The following MDN1 variants were observed in gnomAD, a reference collection of about 807,000 sequenced individuals.
MDN1 encodes the protein midasin AAA ATPase 1.
Under a neutral mutation model 669.2 loss-of-function variants are expected in MDN1, and 266 were observed. The observed-to-expected ratio is 0.40, with a 90% CI of 0.36 to 0.44. MDN1 has a LOEUF of 0.44. Among genes scored for constraint, MDN1 ranks in the 20% least tolerant of loss-of-function variants. The pLI is 1.00. For missense variants in MDN1, 5,940 were observed against 6,754.0 expected (o/e 0.88, Z 4.22); for synonymous variants, 2,385 against 2,457.1 (o/e 0.97, Z 0.87).
rs757430206 is a variant in MDN1, at chr6:89,719,240, T to C, written c.5968-15A>G. 15 of 1,603,316 alleles carry C rather than the reference T, an allele frequency of 9.4e-6. No individual in the cohort carries two copies. In the Middle Eastern group the frequency reaches 9.9e-4, roughly 106 times the overall value. On this transcript the variant is annotated splice_polypyrimidine_tract_variant and intron_variant, in intron 40 of 101. Transcript: ENST00000369393. Reference sequence around the variant, plus strand: ...ACAGCAATGACCTAAAGGAAGAAGATAATGCAATGAAAACACAAATCACTC... The same window carrying C: ...ACAGCAATGACCTAAAGGAAGAAGACAATGCAATGAAAACACAAATCACTC...
intron 74 of MDN1, among the ~76,000 whole-genome samples, chr6:89,679,862 G>A (rs570597451): frequency 7.2e-5 from 11 of 152,308 alleles, no homozygotes; most frequent in Non-Finnish European, 8.8e-5. Context: ...ATCCTGCAGC[G>A]CATCCCCTCT....
At chr6:89,725,154 C>A in intron 38 of MDN1, 45 bp downstream of exon 38, 1 of 1,556,404 alleles carries the variant, frequency 6.4e-7, no homozygotes, top group Non-Finnish European at 8.9e-7. Flanking sequence ...TAGTCTTATC[C>A]CCTCCGAGTC....
At chr6:89,802,180 C>A (rs1767710500) in intron 2 of MDN1, among the ~76,000 whole-genome samples, 1 of 152,090 alleles carries the variant, frequency 6.6e-6, no homozygotes, top group South Asian at 2.1e-4. Flanking sequence ...GAGTCCCGAT[C>A]TTTACTTGGC....
At chr6:89,748,451 AC>A (rs1407536241) in intron 26 of MDN1, among the ~76,000 whole-genome samples, 8 of 152,200 alleles carry the variant, frequency 5.3e-5, no homozygotes, top group Non-Finnish European at 1.2e-4. Context: ...GACAATGTAT[AC>A]TTTCTGATAA....
At chr6:89,768,721 A>G (rs1220417707) in intron 15 of MDN1, among the ~76,000 whole-genome samples, 2 of 152,128 alleles carry the variant, frequency 1.3e-5, no homozygotes, top group African/African-American at 2.4e-5. Context: ...TGGGCAACAG[A>G]GTGAGACCCT....
chr6:89,652,370 C>T (rs1223132752), intron 94 of MDN1, 89 bp from the exon 95 acceptor site: 2 of 954,412 alleles, frequency 2.1e-6, no homozygotes, highest in Middle Eastern at 2.2e-4. Context: ...ACAGTATGAA[C>T]TCAAAGTACA....
rs775012028 is a variant in MDN1 at position 89,745,531 on chromosome 6, G to A, written c.4000C>T (p.Gln1334Ter). Reference sequence around the variant, plus strand: ...ACATTTTCTTTGGAGAAAAGAGATTGAGGACACAATTTTTTCTTGAAATGT... The same window carrying A: ...ACATTTTCTTTGGAGAAAAGAGATTAAGGACACAATTTTTTCTTGAAATGT... ...EKHFKKKLCP[Q>*]SLFSKENVLK... The change falls in exon 28 of 102, where the codon CAA (glutamine) becomes TAA (stop). Residue 1334 changes from glutamine (Q) to a stop codon, truncating the protein, a stop_gained. Coordinates refer to ENST00000369393, the MANE Select transcript of MDN1 (RefSeq NM_014611.3). LOFTEE classifies it high-confidence loss of function. 2.5e-6 allele frequency: 4 copies of A among 1,614,182 alleles called. No homozygotes were observed. The highest frequency in any genetic ancestry group is 3.4e-6 in the Non-Finnish European group (4 of 1,180,018).
chr6:89,676,390 T>C (rs1435642382), intron 76 of MDN1, among the ~76,000 whole-genome samples, 183 bp from the exon 77 acceptor site: 1 of 152,226 alleles, frequency 6.6e-6, no homozygotes, highest in African/African-American at 2.4e-5. Context: ...GCACTGGAAG[T>C]ATCAGGGGAA....
intron 94 of MDN1, 49 bp downstream of exon 94, chr6:89,652,943 G>T (rs928483054): frequency 2.6e-6 from 4 of 1,536,648 alleles, no homozygotes; most frequent in Admixed American, 4.0e-5. Context: ...ATTTTATTTT[G>T]TTAATTTATT....
chr6:89,680,488 C>T, intron 74 of MDN1, 101 bp downstream of exon 74: 1 of 1,406,514 alleles, frequency 7.1e-7, no homozygotes, highest in Non-Finnish European at 9.6e-7. Flanking sequence ...TTCAACACTA[C>T]ACAAGGTATC....
At chr6:89,648,007 A>G (rs980083874) in intron 99 of MDN1, 25 bp downstream of exon 99, 4 of 1,529,792 alleles carry the variant, frequency 2.6e-6, no homozygotes, top group Non-Finnish European at 3.6e-6. Flanking sequence ...AACTGTGCAG[A>G]AGACATTTTA....
At chr6:89,748,458 G>A (rs1816777334) in intron 26 of MDN1, among the ~76,000 whole-genome samples, 1 of 152,100 alleles carries the variant, frequency 6.6e-6, no homozygotes, top group Non-Finnish European at 1.5e-5. Context: ...TATACTTTCT[G>A]ATAAAGAAAA....
In MDN1 at chr6:89,728,872, T is replaced by C. The variant is rs1343520213; in HGVS notation, c.5349+59A>G. The C allele has an allele frequency of 2.6e-5, 39 of 1,504,096 alleles. No individual in the cohort carries two copies. In the East Asian group the frequency reaches 8.6e-4, roughly 33 times the overall value. The allele number at this position is 1,504,096 out of a possible 1,614,324, so 93.2% of individuals were successfully genotyped here. On this transcript the variant is annotated intron_variant, in intron 36 of 101. Coordinates refer to ENST00000369393, the MANE Select transcript of MDN1 (RefSeq NM_014611.3). ...TCATTTCTGATTAGGCAAATATAAATTGACACAGACATTACTATCTATAGC... is the reference window on the plus strand; with the variant it reads ...TCATTTCTGATTAGGCAAATATAAACTGACACAGACATTACTATCTATAGC...
At position 89,747,317 on chromosome 6, in the gene MDN1, T is replaced by A. The variant is rs530459594; in HGVS notation, c.3904+12A>T. 7.5e-6 allele frequency: 12 copies of A among 1,606,506 alleles called. No homozygotes were observed. The highest frequency in any genetic ancestry group is 5.9e-6 in the Non-Finnish European group (7 of 1,178,362). On this transcript the variant is annotated intron_variant, in intron 27 of 101. Transcript: ENST00000369393. ...ATAACTATATATTGAGAGCATTTGATTGAAAACACACCATCATTGGCTAAA... is the reference window on the plus strand; with the variant it reads ...ATAACTATATATTGAGAGCATTTGAATGAAAACACACCATCATTGGCTAAA...
chr6:89,646,726 CA>C, intron 99 of MDN1, 123 bp from the exon 100 acceptor site: 2 of 747,004 alleles, frequency 2.7e-6, no homozygotes, highest in South Asian at 1.7e-5. Flanking sequence ...GTTTACAGAC[CA>C]TCAACTAACT....
chr6:89,772,445 C>T, intron 14 of MDN1, 128 bp downstream of exon 14: 10 of 960,976 alleles, frequency 1.0e-5, no homozygotes, highest in Non-Finnish European at 1.5e-5. Flanking sequence ...TATTTCCAGG[C>T]AGAGATTACA....
intron 75 of MDN1, among the ~76,000 whole-genome samples, chr6:89,678,117 C>T (rs1046098299): frequency 2.6e-5 from 4 of 152,072 alleles, no homozygotes; most frequent in Admixed American, 2.0e-4. Context: ...AGTAAAAATA[C>T]AAAAATCAGC....
At chr6:89,747,533 A>G in intron 26 of MDN1, 63 bp from the exon 27 acceptor site, 1 of 1,456,732 alleles carries the variant, frequency 6.9e-7, no homozygotes, top group South Asian at 1.2e-5. Context: ...AGTTTTTAGT[A>G]CAATGCATAT....
chr6:89,789,407 G>A (rs1020583983), intron 7 of MDN1, among the ~76,000 whole-genome samples: 2 of 152,154 alleles, frequency 1.3e-5, no homozygotes, highest in African/African-American at 4.8e-5. Flanking sequence ...CCACCACTAA[G>A]AAGCAGGATC....
Sources: gnomAD v4.1 joint callset for allele counts (sites outside exome capture counted in the v4.1 genomes callset) on GRCh38, gnomAD v4.1.1 for gene constraint, MANE v1.5 for transcripts, NCBI Gene and HGNC (gene_info 2026-07-23, HGNC 2026-07-21) for gene names.